SORCS3: variants seen among roughly 807,000 people sequenced by gnomAD.
The protein encoded by SORCS3 is sortilin related VPS10 domain containing receptor 3.
SORCS3 carries 57 observed loss-of-function variants against 146.3 expected under a neutral mutation model. That is an observed-to-expected ratio of 0.39 (90% confidence interval 0.31 to 0.49). The LOEUF is 0.49. SORCS3 is among the 20% of genes least tolerant of loss of function. The pLI is 0.92. For synonymous variants in SORCS3, 653 were observed against 618.5 expected (o/e 1.06, Z -0.83); for missense variants, 1,341 against 1,575.5 (o/e 0.85, Z 2.52).
intron 5 of SORCS3, among the ~76,000 whole-genome samples, chr10:105,049,673 G>A (rs1394797339): frequency 6.6e-6 from 1 of 152,040 alleles, no homozygotes; most frequent in Non-Finnish European, 1.5e-5. Context: ...GCAGCAAAAT[G>A]GATGGAGCTA....
intron 1 of SORCS3, among the ~76,000 whole-genome samples, chr10:104,800,389 C>T (rs145701632): frequency 5.3e-4 from 80 of 152,214 alleles, no homozygotes; most frequent in African/African-American, 1.8e-3. Context: ...CTATTCTGTA[C>T]GATTCTACAA....
At chr10:104,849,945 G>A (rs1000638777) in intron 2 of SORCS3, among the ~76,000 whole-genome samples, 7 of 152,336 alleles carry the variant, frequency 4.6e-5, no homozygotes, top group Admixed American at 3.9e-4. Flanking sequence ...AAAGGTGAAA[G>A]TTAACGTATT....
intron 20 of SORCS3, among the ~76,000 whole-genome samples, chr10:105,235,965 A>T (rs1589702298): frequency 6.6e-6 from 1 of 152,108 alleles, no homozygotes; most frequent in African/African-American, 2.4e-5. Context: ...GTACTCAATA[A>T]ATGGGTGCTT....
At chr10:104,921,220 C>T (rs762154101) in intron 3 of SORCS3, among the ~76,000 whole-genome samples, 6 of 152,204 alleles carry the variant, frequency 3.9e-5, no homozygotes, top group Middle Eastern at 3.2e-3. Context: ...ATGGCAAGTG[C>T]CAAGGTCAAG....
Position 104,990,365 on chromosome 10 carries a change from T to G in SORCS3, c.954+12872T>G, listed in dbSNP as rs137995329. Reference sequence around the variant, plus strand: ...AATTTTCTACTTTAATACCAATGGGTTTTATTTTTTCATCTCCCAAATAAA... The same window carrying G: ...AATTTTCTACTTTAATACCAATGGGGTTTATTTTTTCATCTCCCAAATAAA... On this transcript the variant is annotated intron_variant, in intron 4 of 26. Transcript: ENST00000369701. 9.2e-5 allele frequency among the ~76,000 whole-genome samples: 14 copies of G among 152,284 alleles called. No homozygotes were observed. The East Asian group carries it at 2.5e-3, about 27-fold the overall frequency.
chr10:105,139,532 G>A (rs759160927), intron 8 of SORCS3, 46 bp downstream of exon 8: 9 of 1,426,894 alleles, frequency 6.3e-6, no homozygotes, highest in East Asian at 2.3e-5. Context: ...TAGGCAAAGG[G>A]AGGGTTGGAG....
chr10:105,103,661 T>G (rs569300856), intron 6 of SORCS3, among the ~76,000 whole-genome samples: 1 of 152,124 alleles, frequency 6.6e-6, no homozygotes, highest in Admixed American at 6.6e-5. Context: ...GAAAGAAAAG[T>G]TTAGAGGCTG....
chr10:105,002,223 G>A (rs2055066677), intron 4 of SORCS3, among the ~76,000 whole-genome samples: 1 of 152,278 alleles, frequency 6.6e-6, no homozygotes, highest in South Asian at 2.1e-4. Context: ...ATGGGTGCCT[G>A]CATCGTGACA....
At chr10:105,252,636 T>G in intron 22 of SORCS3, 139 bp from the exon 23 acceptor site, 2 of 946,410 alleles carry the variant, frequency 2.1e-6, no homozygotes, top group Non-Finnish European at 3.2e-6. Flanking sequence ...AAAGCCTGAA[T>G]GTATATTGGA....
chr10:104,955,022 ATAAT>A (rs776246102), intron 3 of SORCS3, among the ~76,000 whole-genome samples: 2 of 152,228 alleles, frequency 1.3e-5, no homozygotes, highest in African/African-American at 2.4e-5. Context: ...AAATAACTAA[ATAAT>A]TAACTATTAA....
Position 104,762,791 on chromosome 10 carries a change from G to A in SORCS3, c.628-80001G>A, listed in dbSNP as rs138882032. On this transcript the variant is annotated intron_variant, in intron 1 of 26. Coordinates refer to ENST00000369701, the MANE Select transcript of SORCS3 (RefSeq NM_014978.3). ...TTCTCCTGTACCTTCCATCATGATT[G>A]TAAGTTTCCTGAGGCTTCTCTAGCC... 5.1e-3 allele frequency among the ~76,000 whole-genome samples: 769 copies of A among 152,260 alleles called. 5 individuals are homozygous for A. The highest frequency in any genetic ancestry group is 0.017 in the African/African-American group (713 of 41,532).
At position 105,232,885 on chromosome 10, in the gene SORCS3, G is replaced by A. The variant is rs370630131; in HGVS notation, c.2868+9636G>A. The stretch of plus-strand genomic sequence containing the variant: ...TCAATTTAATTGTGTTCTGAGAGCC[G>A]ACATTGTATGATTTCTATTCTTTCA... On this transcript the variant is annotated intron_variant, in intron 20 of 26. Coordinates refer to ENST00000369701, the MANE Select transcript of SORCS3 (RefSeq NM_014978.3). Among the ~76,000 whole-genome samples the A allele has an allele frequency of 2.8e-4, 43 of 151,968 alleles. No individual in the cohort carries two copies. In the South Asian group the frequency reaches 4.4e-3, roughly 15 times the overall value.
intron 13 of SORCS3, 35 bp from the exon 14 acceptor site, chr10:105,178,031 C>A: frequency 6.6e-7 from 1 of 1,504,358 alleles, no homozygotes; most frequent in Admixed American, 1.7e-5. Context: ...GCTTTATTTT[C>A]AGCTGTCTTT....
At position 104,641,854 on chromosome 10, in the gene SORCS3, C is replaced by T. The variant is rs1306574298; in HGVS notation, c.527C>T (p.Ser176Leu). The change falls in exon 1 of 27, where the codon TCG (serine) becomes TTG (leucine). Residue 176 changes from serine to leucine, a missense_variant. By Grantham distance (145) the Ser-to-Leu change is moderately radical. Transcript: ENST00000369701. This position sits in a 1 kb window ranked among gnomAD's most constrained non-coding sequence, Gnocchi z 6.4. ...EEVKAPRAGG[S>L]AAEDLRLPST... ...GTGAAGGCGCCGCGGGCTGGGGGGT[C>T]GGCGGCTGAAGACCTCCGGCTGCCC... 3 of 1,573,106 alleles carry T rather than the reference C, an allele frequency of 1.9e-6. No homozygotes were observed. The highest frequency in any genetic ancestry group is 1.2e-5 in the South Asian group (1 of 86,074).
At chr10:105,109,063 G>A (rs747911159) in intron 7 of SORCS3, among the ~76,000 whole-genome samples, 2 of 152,080 alleles carry the variant, frequency 1.3e-5, no homozygotes, top group Non-Finnish European at 2.9e-5. Context: ...TTTGTTCTAA[G>A]TGCTTAGCTT....
intron 1 of SORCS3, among the ~76,000 whole-genome samples, chr10:104,770,674 T>C (rs1287178958): frequency 6.6e-6 from 1 of 151,354 alleles, no homozygotes; most frequent in Non-Finnish European, 1.5e-5. Flanking sequence ...ATAAAATATA[T>C]ATATATACAT....
chr10:105,126,146 A>C (rs1288927087), intron 7 of SORCS3, among the ~76,000 whole-genome samples: 1 of 152,208 alleles, frequency 6.6e-6, no homozygotes, highest in Non-Finnish European at 1.5e-5. Flanking sequence ...TATACTAATA[A>C]GAGTATTGAG....
intron 1 of SORCS3, among the ~76,000 whole-genome samples, chr10:104,687,217 C>T (rs754579927): frequency 1.7e-4 from 26 of 152,208 alleles, no homozygotes; most frequent in Non-Finnish European, 2.9e-4. Flanking sequence ...TCCAACTGGA[C>T]AGTAAGCTCC....
chr10:104,919,472 C>T (rs2019065220), intron 3 of SORCS3, among the ~76,000 whole-genome samples: 1 of 151,976 alleles, frequency 6.6e-6, no homozygotes, highest in African/African-American at 2.4e-5. Context: ...GGGCAGATCA[C>T]CTGAGGTCGG....
Sources: allele counts gnomAD v4.1 joint callset (sites outside exome capture counted in the v4.1 genomes callset), GRCh38; gene constraint gnomAD v4.1.1; non-coding constraint Gnocchi (gnomAD v3.1); transcripts MANE v1.5; gene names NCBI Gene and HGNC (gene_info 2026-07-23, HGNC 2026-07-21).